Variants in ITPR1 observed in about 807,000 individuals in gnomAD.
ITPR1 encodes inositol 1,4,5-trisphosphate receptor type 1, also known as inositol 1,4,5-trisphosphate-gated calcium channel ITPR1.
Under a neutral mutation model 318.4 loss-of-function variants are expected in ITPR1, and 96 were observed. The ratio of observed to expected loss-of-function variants is 0.30; its 90% CI spans 0.26 to 0.36. ITPR1 has a LOEUF of 0.36. Among genes scored for constraint, ITPR1 ranks in the 10% least tolerant of loss-of-function variants. The pLI is 1.00. For missense variants in ITPR1, 2,440 were observed against 3,460.2 expected, an observed-to-expected ratio of 0.71 and a Z score of 7.40; for synonymous variants, 1,312 against 1,289.9, an observed-to-expected ratio of 1.02 and a Z score of -0.37.
At chr3:4,581,896 G>C (rs1321094174) in intron 4 of ITPR1, among the ~76,000 whole-genome samples, 1 of 151,746 alleles carries the variant, frequency 6.6e-6, no homozygotes, top group Non-Finnish European at 1.5e-5. Context: ...TTGCTTAAAA[G>C]AAATAGTCTG....
chr3:4,703,605 G>T (rs1042832256), intron 36 of ITPR1, among the ~76,000 whole-genome samples: 6 of 152,164 alleles, frequency 3.9e-5, no homozygotes, highest in Non-Finnish European at 8.8e-5. Flanking sequence ...GCCTGGAGTG[G>T]CCTCTTAGAT....
intron 12 of ITPR1, among the ~76,000 whole-genome samples, chr3:4,655,714 G>A (rs558240378): frequency 5.3e-5 from 8 of 152,262 alleles, no homozygotes; most frequent in South Asian, 2.1e-4. Flanking sequence ...TGACGTTTTC[G>A]TGCTTTTTGG....
At chr3:4,722,708 G>A (rs1467827921) in intron 40 of ITPR1, among the ~76,000 whole-genome samples, 3 of 152,266 alleles carry the variant, frequency 2.0e-5, no homozygotes, top group East Asian at 3.9e-4. Flanking sequence ...TGGTTTTACC[G>A]ACTTAGATAC....
Position 4,611,685 on chromosome 3 carries a change from G to A in ITPR1, c.164-16078G>A, listed in dbSNP as rs180904470. On this transcript the variant is annotated intron_variant, in intron 4 of 61. Coordinates refer to ENST00000649015, the MANE Select transcript of ITPR1 (RefSeq NM_001378452.1). ...ACCTGTTCAGAGGGAGGCCGCGGCT[G>A]CAGTGAGCTGAGATCATGCCACTGC... 5.1e-4 allele frequency among the ~76,000 whole-genome samples: 77 copies of A among 152,226 alleles called. 1 individual carries two copies. The East Asian group carries it at 0.011, about 21-fold the overall frequency.
intron 5 of ITPR1, among the ~76,000 whole-genome samples, chr3:4,634,277 G>A (rs1415087237): frequency 6.6e-6 from 1 of 151,856 alleles, no homozygotes; most frequent in Non-Finnish European, 1.5e-5. Flanking sequence ...GCAGTGACAT[G>A]TTCCCGGCTC....
Position 4,737,147 on chromosome 3 carries a change from T to C in ITPR1, c.5544+1793T>C, listed in dbSNP as rs11714496. On this transcript the variant is annotated intron_variant, in intron 44 of 61. Coordinates refer to ENST00000649015, the MANE Select transcript of ITPR1 (RefSeq NM_001378452.1). ...CAAATTAGAAGTTGGAAACCCTAGGTTGTTATTCCTTCCCTTCCCCAAATT... is the reference window on the plus strand; with the variant it reads ...CAAATTAGAAGTTGGAAACCCTAGGCTGTTATTCCTTCCCTTCCCCAAATT... 3.0e-3 allele frequency among the ~76,000 whole-genome samples: 455 copies of C among 152,198 alleles called. 2 individuals are homozygous for C. Among genetic ancestry groups the C allele is most frequent in the Middle Eastern group, 6.8e-3 (2 of 294 alleles).
rs188891425 is a variant in ITPR1, at chr3:4,545,852, C to T, written c.163+24758C>T. Among the ~76,000 whole-genome samples, 47 of 152,008 alleles carry T rather than the reference C, an allele frequency of 3.1e-4. 1 individual carries two copies. Among genetic ancestry groups the T allele is most frequent in the African/African-American group, 9.9e-4 (41 of 41,466 alleles). The stretch of plus-strand genomic sequence containing the variant: ...AGTCAGGACTATAGGCTAGGACCCC[C>T]ATGCTTGGCTAATTTTTAATTTTTT... On this transcript the variant is annotated intron_variant, in intron 4 of 61. Transcript: ENST00000649015.
intron 4 of ITPR1, among the ~76,000 whole-genome samples, chr3:4,522,087 A>G (rs2082614168): frequency 6.6e-6 from 1 of 152,216 alleles, no homozygotes; most frequent in Non-Finnish European, 1.5e-5. Flanking sequence ...CTCTAGGCAC[A>G]TGTTAGAATC....
intron 55 of ITPR1, 96 bp from the exon 56 acceptor site, chr3:4,811,169 G>A: frequency 1.3e-6 from 1 of 776,032 alleles, no homozygotes. Context: ...GAGTGTCTAA[G>A]AGGGCAAACT....
At chr3:4,510,091 G>A (rs1467786681) in intron 2 of ITPR1, among the ~76,000 whole-genome samples, 2 of 152,218 alleles carry the variant, frequency 1.3e-5, no homozygotes, top group African/African-American at 4.8e-5. Flanking sequence ...GCTTCCCAGA[G>A]GTGGAGACAT....
intron 4 of ITPR1, among the ~76,000 whole-genome samples, chr3:4,611,561 AAAAT>A (rs372628182): frequency 4.8e-4 from 68 of 142,552 alleles, no homozygotes; most frequent in African/African-American, 4.8e-4. Flanking sequence ...CTCTCTCTCA[AAAAT>A]AAATAAATAA....
At chr3:4,569,807 T>A (rs554574562) in intron 4 of ITPR1, among the ~76,000 whole-genome samples, 12 of 152,358 alleles carry the variant, frequency 7.9e-5, no homozygotes, top group African/African-American at 2.9e-4. Context: ...TTTGTTCACA[T>A]TGAACTCTAG....
chr3:4,650,767 T>C (rs1355165868), intron 10 of ITPR1, among the ~76,000 whole-genome samples: 2 of 152,084 alleles, frequency 1.3e-5, no homozygotes, highest in African/African-American at 2.4e-5. Flanking sequence ...ATATTTCTCC[T>C]GCCCTGACCA....
At chr3:4,612,164 C>T (rs1262442536) in intron 4 of ITPR1, among the ~76,000 whole-genome samples, 1 of 143,366 alleles carries the variant, frequency 7.0e-6, no homozygotes, top group East Asian at 2.2e-4. Flanking sequence ...TGTGTTCAAG[C>T]AATTCTCCTG....
At chr3:4,509,564 G>C (rs925350390) in intron 2 of ITPR1, among the ~76,000 whole-genome samples, 4 of 152,234 alleles carry the variant, frequency 2.6e-5, no homozygotes, top group African/African-American at 7.2e-5. Flanking sequence ...GGCTGAAGCA[G>C]GAGGATTACT....
intron 44 of ITPR1, among the ~76,000 whole-genome samples, chr3:4,736,505 G>A (rs544348016): frequency 7.2e-5 from 11 of 152,236 alleles, no homozygotes; most frequent in Non-Finnish European, 8.8e-5. Flanking sequence ...CTTTTCTTTC[G>A]CCTTCCAATC....
At chr3:4,582,885 A>G (rs1406792565) in intron 4 of ITPR1, among the ~76,000 whole-genome samples, 2 of 152,170 alleles carry the variant, frequency 1.3e-5, no homozygotes, top group East Asian at 3.8e-4. Context: ...CTGCTTTAGT[A>G]TGTCTGTGCT....
At chr3:4,566,192 C>G (rs574077255) in intron 4 of ITPR1, among the ~76,000 whole-genome samples, 4 of 152,244 alleles carry the variant, frequency 2.6e-5, no homozygotes, top group Non-Finnish European at 4.4e-5. Context: ...AATTCAGAGC[C>G]AATTTGGAAA....
chr3:4,663,573 C>T (rs1336152658), intron 16 of ITPR1, among the ~76,000 whole-genome samples: 1 of 152,172 alleles, frequency 6.6e-6, no homozygotes, highest in Middle Eastern at 3.2e-3. Flanking sequence ...CTTGTCCTCA[C>T]ACACTTGGCC....
Sources: allele counts gnomAD v4.1 joint callset (sites outside exome capture counted in the v4.1 genomes callset), GRCh38; gene constraint gnomAD v4.1.1; transcripts MANE v1.5; gene names NCBI Gene and HGNC (gene_info 2026-07-23, HGNC 2026-07-21).